Variants in LRRC56 observed in about 807,000 individuals in gnomAD.
LRRC56 encodes the protein leucine rich repeat containing 56.
LRRC56 carries 41 observed loss-of-function variants against 47.8 expected under a neutral mutation model. The observed-to-expected ratio is 0.86, with a 90% CI of 0.67 to 1.11. The LOEUF (loss-of-function observed/expected upper bound fraction) is 1.11. Among genes scored for constraint, LRRC56 ranks in the 50% most tolerant of loss-of-function variants. LRRC56 has a pLI of 0.00. For missense variants in LRRC56, 759 were observed against 704.2 expected, an observed-to-expected ratio of 1.08 and a Z score of -0.88; for synonymous variants, 387 against 311.2, an observed-to-expected ratio of 1.24 and a Z score of -2.56.
chr11:532,708 G>T (rs878854760), upstream of LRRC56: 11 of 1,613,046 alleles, frequency 6.8e-6, no homozygotes, highest in Non-Finnish European at 7.6e-6. Flanking sequence ...TCCGCAGCTT[G>T]TGCTGCCGGA....
upstream of LRRC56, among the ~76,000 whole-genome samples, chr11:536,100 C>G (rs1851480945): frequency 6.6e-6 from 1 of 152,226 alleles, no homozygotes; most frequent in African/African-American, 2.4e-5. Context: ...CCCCACCTAC[C>G]ACCACGCACC....
upstream of LRRC56, chr11:534,533 C>G: frequency 1.7e-6 from 1 of 598,330 alleles, no homozygotes; most frequent in South Asian, 2.0e-5. Context: ...CAGCTGCAAC[C>G]CAGCGTGCGG....
chr11:511,320 C>CA, the LRRC56 span, among the ~76,000 whole-genome samples: 16,070 of 78,158 alleles, frequency 0.21, 1,158 homozygotes, highest in Admixed American at 0.31. Flanking sequence ...GACTCCGTCT[C>CA]AAAAAAAAAA....
Position 541,572 on chromosome 11 carries a change from G to A in LRRC56, c.213G>A (p.Val71=). The A allele has an allele frequency of 1.3e-6, 2 of 1,590,262 alleles. No homozygotes were observed. Among genetic ancestry groups the A allele is most frequent in the Non-Finnish European group, 1.7e-6 (2 of 1,166,956 alleles). Residue 71 remains valine (V), a synonymous_variant, in exon 5 of 14, where the codon GTG becomes GTA. Transcript: ENST00000270115. The surrounding 1 kb of genome is among the most constrained non-coding windows in gnomAD (Gnocchi z 4.1). ...CCCGGGTGGATGACCTTCGGCTGGT[G>A]AGGACGCTGGAGATGTGTGTGGACA... is the stretch of plus-strand genomic sequence containing the variant. ...ALARVDDLRL[V]RTLEMCVDTR... is the part of the protein sequence containing the mutation.
chr11:533,387 C>T (rs2133985565), upstream of LRRC56: 1 of 1,592,230 alleles, frequency 6.3e-7, no homozygotes, highest in Non-Finnish European at 8.6e-7. Flanking sequence ...TCAGTGAGTG[C>T]TGCTCCCTGG....
intron 5 of LRRC56, among the ~76,000 whole-genome samples, chr11:544,243 G>A (rs1851959824): frequency 6.6e-6 from 1 of 152,208 alleles, no homozygotes; most frequent in South Asian, 2.1e-4. Flanking sequence ...CCAGGGGAGG[G>A]GTGTGGAGGC....
upstream of LRRC56, among the ~76,000 whole-genome samples, chr11:535,778 C>T (rs1851462996): frequency 6.6e-6 from 1 of 152,090 alleles, no homozygotes; most frequent in Non-Finnish European, 1.5e-5. Flanking sequence ...GAGACCGGAG[C>T]CGAGCTCGGG....
intron 5 of LRRC56, among the ~76,000 whole-genome samples, chr11:544,099 T>C (rs1458005679): frequency 6.6e-6 from 1 of 152,238 alleles, no homozygotes; most frequent in Non-Finnish European, 1.5e-5. Flanking sequence ...CACAGGGGCA[T>C]ATGCCCCATC....
At chr11:521,541 C>A in the LRRC56 span, among the ~76,000 whole-genome samples, 1 of 152,168 alleles carries the variant, frequency 6.6e-6, no homozygotes, top group Non-Finnish European at 1.5e-5. Context: ...ACTCCTAGCT[C>A]AAGCAACTGG....
the LRRC56 span, among the ~76,000 whole-genome samples, chr11:512,676 T>C: frequency 6.6e-6 from 1 of 152,268 alleles, no homozygotes; most frequent in Admixed American, 6.5e-5. Context: ...TTTTGAACTT[T>C]ATATAAATGG....
At chr11:550,865 G>T (rs902373014) in intron 8 of LRRC56, among the ~76,000 whole-genome samples, 4 of 152,182 alleles carry the variant, frequency 2.6e-5, no homozygotes, top group Non-Finnish European at 5.9e-5. Flanking sequence ...GCTGAGGGCA[G>T]TTCCATGGGC....
rs191592478 is a variant in LRRC56 at position 541,643 on chromosome 11, C to T, written c.265+19C>T. The stretch of plus-strand genomic sequence containing the variant: ...AACTTTGGTGAGCCTCTTCCCACCC[C>T]GCCATGGCCACGGCCACGGCCACGC... On this transcript the variant is annotated intron_variant, in intron 5 of 13. Transcript: ENST00000270115. This position sits in a 1 kb window ranked among gnomAD's most constrained non-coding sequence, Gnocchi z 4.1. 2,579 of 1,505,724 alleles carry T rather than the reference C, an allele frequency of 1.7e-3. 14 individuals carry two copies. The highest frequency in any genetic ancestry group is 0.015 in the Middle Eastern group (87 of 5,786). The allele number at this position is 1,505,724 out of a possible 1,614,324, so 93.3% of individuals were successfully genotyped here.
At chr11:534,235 C>T (rs1226305644), upstream of LRRC56, 1 of 1,613,564 alleles carries the variant, frequency 6.2e-7, no homozygotes, top group Admixed American at 1.7e-5. Context: ...TCGTATTCGT[C>T]CACAAAATGG....
chr11:551,339 C>G (rs1294866152), intron 9 of LRRC56, 37 bp downstream of exon 9: 2 of 1,402,596 alleles, frequency 1.4e-6, no homozygotes, highest in Non-Finnish European at 1.9e-6. Flanking sequence ...ACTGCTGAGC[C>G]CCAGCTCCCC....
At chr11:530,831 A>G in the LRRC56 span, among the ~76,000 whole-genome samples, 1 of 36,846 alleles carries the variant, frequency 2.7e-5, no homozygotes, top group South Asian at 1.7e-3. Context: ...TCCCCTGGAC[A>G]GAAGGGGGAG....
In LRRC56 at chr11:550,233, C is replaced by T. The variant is rs766160691; in HGVS notation, c.585C>T (p.Asn195=). 1 of 1,611,050 alleles carries T rather than the reference C, an allele frequency of 6.2e-7. No homozygotes were observed. ...TGGCCATGCTCACCCTGGAGGGCAA[C>T]CTGGTGTGCCTACAGCCGGCCCCTG... ...PRLAMLTLEG[N]LVCLQPAPGP... is the part of the protein sequence containing the mutation. Residue 195 remains asparagine, a synonymous_variant, in exon 8 of 14, where the codon AAC becomes AAT. Coordinates refer to ENST00000270115, the MANE Select transcript of LRRC56 (RefSeq NM_198075.4).
At chr11:522,028 A>G in the LRRC56 span, among the ~76,000 whole-genome samples, 4 of 152,202 alleles carry the variant, frequency 2.6e-5, no homozygotes, top group African/African-American at 9.6e-5. Context: ...AAATAAAAAA[A>G]TCTAAATCCA....
intron 6 of LRRC56, among the ~76,000 whole-genome samples, chr11:548,510 T>C (rs1589813918): frequency 1.3e-5 from 2 of 152,172 alleles, no homozygotes; most frequent in Admixed American, 6.5e-5. Context: ...CAGGCTGGAG[T>C]GCAGTGGCGC....
chr11:544,909 T>G, intron 6 of LRRC56, 129 bp downstream of exon 6: 3 of 935,742 alleles, frequency 3.2e-6, no homozygotes, highest in East Asian at 2.6e-5. Context: ...CCCAGGGGTC[T>G]AGAGAGCTCC....
Sources: allele counts gnomAD v4.1 joint callset (sites outside exome capture counted in the v4.1 genomes callset), GRCh38; gene constraint gnomAD v4.1.1; non-coding constraint Gnocchi (gnomAD v3.1); transcripts MANE v1.5; gene names NCBI Gene and HGNC (gene_info 2026-07-23, HGNC 2026-07-21).